Variants in NWD1 observed in about 807,000 individuals in gnomAD.
NWD1 encodes NACHT domain- and WD repeat-containing protein 1.
In NWD1, 129 loss-of-function variants were observed where a neutral mutation model predicts 135.1. That is an observed-to-expected ratio of 0.96 (90% CI 0.83 to 1.11). NWD1 has a LOEUF of 1.11. Ranked by LOEUF, NWD1 falls within the 50% of genes least tolerant of loss-of-function variation. NWD1 has a pLI of 0.00. For missense variants in NWD1, 1,740 were observed against 1,851.3 expected (o/e 0.94, Z 1.10); for synonymous variants, 773 against 786.0 (o/e 0.98, Z 0.28).
intron 12 of NWD1, among the ~76,000 whole-genome samples, chr19:16,785,117 G>C (rs891234373): frequency 2.6e-5 from 4 of 152,020 alleles, no homozygotes; most frequent in African/African-American, 9.7e-5. Flanking sequence ...TGGGGACAGG[G>C]TCTCCTTCTG....
intron 4 of NWD1, among the ~76,000 whole-genome samples, chr19:16,743,963 G>A (rs989169764): frequency 3.3e-5 from 5 of 152,114 alleles, no homozygotes; most frequent in African/African-American, 1.2e-4. Context: ...GATTACAGGT[G>A]TGAGCCACCG....
chr19:16,805,847 G>A (rs544197959), intron 17 of NWD1, among the ~76,000 whole-genome samples: 40 of 152,034 alleles, frequency 2.6e-4, no homozygotes, highest in African/African-American at 9.6e-4. Flanking sequence ...TTAACAAGGA[G>A]TTTCTTTTTT....
Position 16,789,019 on chromosome 19 carries a change from C to T in NWD1, c.2769C>T (p.Thr923=), listed in dbSNP as rs745650745. 2 of 1,612,226 alleles carry T rather than the reference C, an allele frequency of 1.2e-6. No homozygotes were observed. Among genetic ancestry groups the T allele is most frequent in the African/African-American group, 1.3e-5 (1 of 74,824 alleles). ...GTGTGAAAATATTTGCCAAAGGGAC[C>T]CTCGCCAACTCTGCTTCAAAGGATT... The part of the protein sequence containing the change: ...VRCVKIFAKG[T]LANSASKDYT... Residue 923 remains threonine, a synonymous_variant, in exon 13 of 19, where the codon ACC becomes ACT. Transcript: ENST00000524140.
In NWD1 at chr19:16,773,305, C is replaced by G. The variant is rs1465357407; in HGVS notation, c.2590C>G (p.Leu864Val). ...QPPGGPLRAT[L>V]SGCHKGITAM... The stretch of plus-strand genomic sequence containing the variant: ...CCCGGGAGGACCCCTCCGGGCAACT[C>G]TCAGCGGCTGTCACAAAGGTGAGTC... Residue 864 changes from leucine (L) to valine (V), a missense_variant, in exon 11 of 19, where the codon CTC becomes GTC. Leu to Val is a conservative substitution (Grantham distance 32, BLOSUM62 1). Coordinates refer to ENST00000524140, the MANE Select transcript of NWD1 (RefSeq NM_001007525.5). 2.5e-6 allele frequency: 4 copies of G among 1,612,692 alleles called. No homozygotes were observed. Among genetic ancestry groups the G allele is most frequent in the Admixed American group, 1.7e-5 (1 of 59,998 alleles).
intron 6 of NWD1, among the ~76,000 whole-genome samples, chr19:16,755,608 C>T (rs181612059): frequency 2.6e-5 from 4 of 152,210 alleles, no homozygotes; most frequent in African/African-American, 4.8e-5. Flanking sequence ...AGGCTGGTCT[C>T]GAACTCCTGG....
Position 16,794,568 on chromosome 19 carries a change from T to G in NWD1, c.3304+15T>G, listed in dbSNP as rs756927590. ...CCTCGCCGCAGGTAGCGTTTAGCTC[T>G]CATTTGGAGTAGTGAGGAAGCTAAT... is the stretch of plus-strand genomic sequence containing the variant. On this transcript the variant is annotated intron_variant, in intron 15 of 18. Transcript: ENST00000524140. 6.5e-7 allele frequency: 1 copy of G among 1,539,694 alleles called. No individual in the cohort carries two copies. Among genetic ancestry groups the G allele is most frequent in the South Asian group, 1.1e-5 (1 of 86,980 alleles).
chr19:16,749,280 ATGGCTG>A lies in NWD1; in HGVS notation c.639_644del (p.Gly214_Cys215del), dbSNP rs1968452013. 6.2e-7 allele frequency: 1 copy of A among 1,613,790 alleles called. No homozygotes were observed. The highest frequency in any genetic ancestry group is 1.7e-5 in the Admixed American group (1 of 59,968). ...CTTAGGATGGTGGACCGGCTCGCGGATGGCTGCCTGGACGCTGATGCCCAGAACCTT... is the reference window on the plus strand; with the variant it reads ...CTTAGGATGGTGGACCGGCTCGCGGACCTGGACGCTGATGCCCAGAACCTT... On this transcript the variant is annotated inframe_deletion, in exon 6 of 19. Coordinates refer to ENST00000524140, the MANE Select transcript of NWD1 (RefSeq NM_001007525.5).
At chr19:16,746,456 C>T (rs895730277) in intron 5 of NWD1, among the ~76,000 whole-genome samples, 3 of 152,054 alleles carry the variant, frequency 2.0e-5, no homozygotes, top group Non-Finnish European at 2.9e-5. Flanking sequence ...AGACGGATCA[C>T]GAGGTCAGGA....
At chr19:16,755,707 T>G (rs1968767250) in intron 6 of NWD1, among the ~76,000 whole-genome samples, 1 of 150,810 alleles carries the variant, frequency 6.6e-6, no homozygotes, top group South Asian at 2.1e-4. Flanking sequence ...TATTTATTTA[T>G]TTATTTATTT....
At chr19:16,732,387 T>C (rs1486650827) in intron 3 of NWD1, among the ~76,000 whole-genome samples, 1 of 151,842 alleles carries the variant, frequency 6.6e-6, no homozygotes, top group African/African-American at 2.4e-5. Context: ...TGTCTGTTGT[T>C]GTTGCTGCTG....
At chr19:16,741,666 G>C (rs911281737) in intron 4 of NWD1, among the ~76,000 whole-genome samples, 1 of 151,910 alleles carries the variant, frequency 6.6e-6, no homozygotes, top group East Asian at 1.9e-4. Context: ...ACCATGCCTG[G>C]CTCTTTTCAT....
intron 10 of NWD1, among the ~76,000 whole-genome samples, chr19:16,768,422 C>T (rs553725172): frequency 6.6e-6 from 1 of 152,158 alleles, no homozygotes; most frequent in African/African-American, 2.4e-5. Context: ...TGTGTTTCTA[C>T]CTTTTGGATA....
intron 3 of NWD1, among the ~76,000 whole-genome samples, chr19:16,733,527 A>AG (rs1240525910): frequency 6.6e-6 from 1 of 151,950 alleles, no homozygotes; most frequent in African/African-American, 2.4e-5. Context: ...TCTCAAAAAA[A>AG]AAAAAAAAAT....
In NWD1 at chr19:16,745,752, A is replaced by AAAAAC. The variant is rs1331667237; in HGVS notation, c.496+1039_496+1043dup. Among the ~76,000 whole-genome samples the AAAAAC allele has an allele frequency of 2.0e-5, 3 of 151,054 alleles. No homozygotes were observed. In the Admixed American group the frequency reaches 2.0e-4, roughly 10 times the overall value. Reference sequence around the variant, plus strand: ...GAGACCTGTCTCAAAAAACAAAAACAAAAACAAAAACAAAATTAGCTAGGT... The same window carrying AAAAAC: ...GAGACCTGTCTCAAAAAACAAAAACAAAAACAAAACAAAAACAAAATTAGCTAGGT... On this transcript the variant is annotated intron_variant, in intron 5 of 18. Coordinates refer to ENST00000524140, the MANE Select transcript of NWD1 (RefSeq NM_001007525.5).
rs779463393 is a variant in NWD1 at position 16,749,680 on chromosome 19, A to G, written c.1038A>G (p.Gly346=). The G allele has an allele frequency of 6.3e-7, 1 of 1,599,636 alleles. No individual in the cohort carries two copies. The highest frequency in any genetic ancestry group is 8.5e-7 in the Non-Finnish European group (1 of 1,170,872). ...PLVLFGPPGI[G]KTALMCKLAE... ...TACTCTTTGGGCCCCCAGGCATTGG[A>G]AAGACAGCCCTGATGTGCAAGCTGG... The change falls in exon 6 of 19, where the codon GGA becomes GGG. Residue 346 remains glycine (G), a synonymous_variant. Coordinates refer to ENST00000524140, the MANE Select transcript of NWD1 (RefSeq NM_001007525.5).
At position 16,797,744 on chromosome 19, in the gene NWD1, C is replaced by A. The variant is rs745549948; in HGVS notation, c.3317C>A (p.Ser1106Ter). 1 of 1,613,724 alleles carries A rather than the reference C, an allele frequency of 6.2e-7. No homozygotes were observed. The highest frequency in any genetic ancestry group is 1.3e-5 in the African/African-American group (1 of 75,026). ...CCTGCCGTTTCAGGCTTTGGAAGAT[C>A]GGTGCGGATATTCTTGGCGGACTCG... is the stretch of plus-strand genomic sequence containing the variant. ...ESLLAAGFGR[S>*]VRIFLADSRG... Residue 1106 changes from serine to a stop codon, truncating the protein, a stop_gained, in exon 16 of 19, where the codon TCG becomes TAG. Coordinates refer to ENST00000524140, the MANE Select transcript of NWD1 (RefSeq NM_001007525.5). LOFTEE classifies it high-confidence loss of function.
At chr19:16,763,628 C>T (rs1367239407) in intron 8 of NWD1, among the ~76,000 whole-genome samples, 200 bp from the exon 9 acceptor site, 2 of 152,186 alleles carry the variant, frequency 1.3e-5, no homozygotes, top group East Asian at 1.9e-4. Context: ...GTCCCATGAC[C>T]TCTGGCTTTG....
Position 16,773,113 on chromosome 19 carries a change from C to T in NWD1, c.2411-13C>T. ...TCAATCCAGGCAACTTAGTCTACAT[C>T]CCTTTGTTGCAGAGAGGAGCCTCCT... On this transcript the variant is annotated splice_polypyrimidine_tract_variant and intron_variant, in intron 10 of 18. Coordinates refer to ENST00000524140, the MANE Select transcript of NWD1 (RefSeq NM_001007525.5). 1.2e-6 allele frequency: 2 copies of T among 1,612,332 alleles called. No homozygotes were observed. Among genetic ancestry groups the T allele is most frequent in the Non-Finnish European group, 1.7e-6 (2 of 1,178,582 alleles).
intron 2 of NWD1, among the ~76,000 whole-genome samples, chr19:16,726,947 G>A (rs960902495): frequency 6.6e-6 from 1 of 152,100 alleles, no homozygotes; most frequent in Non-Finnish European, 1.5e-5. Context: ...AGTGAGAACT[G>A]CTGGTTGAAA....
Sources: gnomAD v4.1 joint callset for allele counts (sites outside exome capture counted in the v4.1 genomes callset) on GRCh38, gnomAD v4.1.1 for gene constraint, MANE v1.5 for transcripts, NCBI Gene and HGNC (gene_info 2026-07-23, HGNC 2026-07-21) for gene names.